Variants in UBAP2L observed in about 807,000 individuals in gnomAD.
UBAP2L encodes ubiquitin associated protein 2 like.
In UBAP2L, 12 loss-of-function variants were observed where a neutral mutation model predicts 130.6. That is an observed-to-expected ratio of 0.09 (90% CI 0.06 to 0.15). The LOEUF (loss-of-function observed/expected upper bound fraction) is 0.15. Among genes scored for constraint, UBAP2L ranks in the 10% least tolerant of loss-of-function variants. The pLI is 1.00. For missense variants in UBAP2L, 965 were observed against 1,332.5 expected, an observed-to-expected ratio of 0.72 and a Z score of 4.29; for synonymous variants, 503 against 524.7, an observed-to-expected ratio of 0.96 and a Z score of 0.57.
intron 24 of UBAP2L, among the ~76,000 whole-genome samples, chr1:154,262,459 T>G (rs1262157758): frequency 6.6e-6 from 1 of 152,198 alleles, no homozygotes; most frequent in Non-Finnish European, 1.5e-5. Flanking sequence ...ATTGTACCTT[T>G]TCAGCGACTT....
chr1:154,269,469 C>T, intron 26 of UBAP2L: 1 of 1,270,882 alleles, frequency 7.9e-7, no homozygotes, highest in Non-Finnish European at 1.0e-6. Flanking sequence ...CCCCATTTCA[C>T]CTTCACAGCC....
chr1:154,251,597 C>G lies in UBAP2L; in HGVS notation c.1608C>G (p.Pro536=), dbSNP rs370970898. 2 of 1,614,090 alleles carry G rather than the reference C, an allele frequency of 1.2e-6. No homozygotes were observed. The highest frequency in any genetic ancestry group is 1.7e-6 in the Non-Finnish European group (2 of 1,180,020). Residue 536 remains proline, a synonymous_variant, in exon 14 of 27, where the codon CCC becomes CCG. Coordinates refer to ENST00000428931, the MANE Select transcript of UBAP2L (RefSeq NM_014847.4). Reference sequence around the variant, plus strand: ...TCCTTTCTGATTATGAGTCCACCCCCACCACGAGCGCCTCTTCAAGCCAGG... The same window carrying G: ...TCCTTTCTGATTATGAGTCCACCCCGACCACGAGCGCCTCTTCAAGCCAGG... ...EPVLSDYEST[P]TTSASSSQAP...
intron 10 of UBAP2L, among the ~76,000 whole-genome samples, chr1:154,244,288 A>G (rs1045770248): frequency 6.6e-6 from 1 of 152,186 alleles, no homozygotes; most frequent in Non-Finnish European, 1.5e-5. Context: ...CCAGCTACAA[A>G]TTTGGAGGTT....
chr1:154,260,522 C>T (rs182172194), intron 22 of UBAP2L, among the ~76,000 whole-genome samples: 3 of 152,264 alleles, frequency 2.0e-5, no homozygotes, highest in East Asian at 1.9e-4. Flanking sequence ...ATTGACTTAC[C>T]GTTTTCCCTG....
At chr1:154,255,852 T>C (rs996688800) in intron 18 of UBAP2L, 97 bp downstream of exon 18, 1 of 1,436,050 alleles carries the variant, frequency 7.0e-7, no homozygotes, top group Middle Eastern at 1.7e-4. Flanking sequence ...AATTTCTTCA[T>C]GAGGTGGCAA....
chr1:154,270,383 T>G lies in UBAP2L; in HGVS notation c.*88T>G, dbSNP rs1244504292. ...AAACAGCATCAAAGAGAAAGGAATG[T>G]GGGGGGTTTCCGCTGCCCCCCACCC... is the stretch of plus-strand genomic sequence containing the variant. On this transcript the variant is annotated 3_prime_UTR_variant, in exon 27 of 27. Coordinates refer to ENST00000428931, the MANE Select transcript of UBAP2L (RefSeq NM_014847.4). The G allele has an allele frequency of 5.1e-6, 8 of 1,576,596 alleles. No individual in the cohort carries two copies. The highest frequency in any genetic ancestry group is 3.7e-5 in the Admixed American group (2 of 54,100).
chr1:154,227,157 T>C (rs1668225116), intron 2 of UBAP2L, 125 bp from the exon 3 acceptor site: 1 of 782,596 alleles, frequency 1.3e-6, no homozygotes, highest in African/African-American at 1.7e-5. Context: ...TAAATGGTGC[T>C]TTATTACTTG....
At chr1:154,225,666 T>C (rs1477641219) in intron 2 of UBAP2L, among the ~76,000 whole-genome samples, 1 of 152,152 alleles carries the variant, frequency 6.6e-6, no homozygotes, top group East Asian at 1.9e-4. Context: ...ATGGTAGTCT[T>C]GCTGCATTGC....
intron 11 of UBAP2L, among the ~76,000 whole-genome samples, chr1:154,247,974 T>A (rs992688821): frequency 4.0e-5 from 6 of 149,028 alleles, no homozygotes; most frequent in East Asian, 1.9e-4. Flanking sequence ...ATTTATTTTT[T>A]ATTTTTTTTT....
chr1:154,239,651 C>T (rs749306848), intron 8 of UBAP2L, among the ~76,000 whole-genome samples: 2 of 152,180 alleles, frequency 1.3e-5, no homozygotes, highest in Non-Finnish European at 2.9e-5. Flanking sequence ...TAGGTGTCTA[C>T]GTTCCTCCTT....
In UBAP2L at chr1:154,260,981, C is replaced by T; in HGVS notation, c.2668C>T (p.His890Tyr). The T allele has an allele frequency of 6.2e-7, 1 of 1,614,236 alleles. No individual in the cohort carries two copies. The highest frequency in any genetic ancestry group is 8.5e-7 in the Non-Finnish European group (1 of 1,180,046). Residue 890 changes from histidine (H) to tyrosine (Y), a missense_variant, in exon 23 of 27, where the codon CAC becomes TAC. His to Tyr is a moderately conservative substitution (Grantham distance 83). Coordinates refer to ENST00000428931, the MANE Select transcript of UBAP2L (RefSeq NM_014847.4). The part of the protein sequence containing the change: ...AQPQQNQTQT[H>Y]HTTQQTFLNP... ...ACCCCAACAGAACCAGACGCAGACT[C>T]ACCATACCACGCAGCAGACATTCCT...
At position 154,261,684 on chromosome 1, in the gene UBAP2L, T is replaced by C. The variant is rs770934380; in HGVS notation, c.2889T>C (p.His963=). 13 of 1,614,034 alleles carry C rather than the reference T, an allele frequency of 8.1e-6. No homozygotes were observed. The East Asian group carries it at 2.5e-4, about 30-fold the overall frequency. Residue 963 remains histidine, a synonymous_variant, in exon 24 of 27, where the codon CAT becomes CAC. Transcript: ENST00000428931. ...AACAGCCGAGTGGATATGGGTCTCA[T>C]GGATACAACACTGGTAAGCTGACCT... is the stretch of plus-strand genomic sequence containing the variant. ...PFQQPSGYGS[H]GYNTGVSVTS...
At chr1:154,271,206 T>A (rs952630066), downstream of UBAP2L, 5 of 373,082 alleles carry the variant, frequency 1.3e-5, no homozygotes, top group African/African-American at 2.1e-5. Flanking sequence ...AAGAAGGAGC[T>A]GAGACCATTT....
intron 1 of UBAP2L, among the ~76,000 whole-genome samples, chr1:154,224,031 C>A (rs1667177078): frequency 6.6e-6 from 1 of 152,130 alleles, no homozygotes; most frequent in Non-Finnish European, 1.5e-5. Context: ...TTCTTTTTTA[C>A]TAAATGCAGC....
chr1:154,250,387 T>C (rs1054902184), intron 12 of UBAP2L, among the ~76,000 whole-genome samples: 3 of 151,952 alleles, frequency 2.0e-5, no homozygotes, highest in Non-Finnish European at 4.4e-5. Context: ...AATGAAATCA[T>C]GTTGAAGGAA....
At chr1:154,269,188 C>A in intron 26 of UBAP2L, 1 of 809,564 alleles carries the variant, frequency 1.2e-6, no homozygotes, top group Non-Finnish European at 1.9e-6. Flanking sequence ...TCCTTTGGTG[C>A]CCTTCTCCTC....
chr1:154,228,289 G>A (rs1374890214), intron 3 of UBAP2L, among the ~76,000 whole-genome samples: 1 of 151,976 alleles, frequency 6.6e-6, no homozygotes, highest in Non-Finnish European at 1.5e-5. Context: ...CTGGGTTCAA[G>A]CAATTCTTCT....
At chr1:154,236,898 A>C (rs1671867101) in intron 7 of UBAP2L, 126 bp from the exon 8 acceptor site, 3 of 738,602 alleles carry the variant, frequency 4.1e-6, no homozygotes, top group African/African-American at 1.8e-5. Flanking sequence ...GATGACACAC[A>C]GGATTATAGA....
At chr1:154,220,267 C>T, upstream of UBAP2L, 1 of 1,544,634 alleles carries the variant, frequency 6.5e-7, no homozygotes, top group Non-Finnish European at 9.0e-7. Context: ...AGAATGCAGA[C>T]GGGGTACAGC....
Sources: allele counts gnomAD v4.1 joint callset (sites outside exome capture counted in the v4.1 genomes callset), GRCh38; gene constraint gnomAD v4.1.1; transcripts MANE v1.5; gene names NCBI Gene and HGNC (gene_info 2026-07-23, HGNC 2026-07-21).